The following C9orf85 variants were observed in gnomAD, a reference collection of about 807,000 sequenced individuals.
C9orf85 encodes chromosome 9 open reading frame 85, also known as uncharacterized protein C9orf85.
Under a neutral mutation model 14.9 loss-of-function variants are expected in C9orf85, and 16 were observed. That is an observed-to-expected ratio of 1.08 (90% CI 0.73 to 1.63). The LOEUF (loss-of-function observed/expected upper bound fraction) is 1.63. Among genes scored for constraint, C9orf85 ranks in the 40% most tolerant of loss-of-function variants. The probability of loss-of-function intolerance (pLI) is 0.00; values close to 1 mark genes in which losing one functional copy is unlikely to be tolerated. For synonymous variants in C9orf85, 45 were observed against 56.8 expected (o/e 0.79, Z 0.93); for missense variants, 172 against 186.1 (o/e 0.92, Z 0.44).
Position 71,948,396 on chromosome 9 carries a change from A to G in C9orf85, c.209+1284A>G, listed in dbSNP as rs560801750. ...TCAAAATATTTGAACACTGAAAGGC[A>G]AAAGTGTTAAGGAAGGATAAACTAA... On this transcript the variant is annotated intron_variant, in intron 2 of 3. Coordinates refer to ENST00000334731, the MANE Select transcript of C9orf85 (RefSeq NM_182505.5). 1.8e-4 allele frequency among the ~76,000 whole-genome samples: 27 copies of G among 152,370 alleles called. No individual in the cohort carries two copies. In the South Asian group the frequency reaches 4.1e-3, roughly 23 times the overall value.
chr9:71,919,405 A>G lies in C9orf85; in HGVS notation c.102+7569A>G, dbSNP rs537421541. ...AGCAAAGCAGTTGGCCAGACATAGA[A>G]TCTACCATAGATCTGAATTGACCAT... On this transcript the variant is annotated intron_variant, in intron 1 of 3. Coordinates refer to ENST00000334731, the MANE Select transcript of C9orf85 (RefSeq NM_182505.5). 1.8e-4 allele frequency among the ~76,000 whole-genome samples: 27 copies of G among 152,328 alleles called. No homozygotes were observed. The South Asian group carries it at 5.2e-3, about 29-fold the overall frequency.
chr9:71,961,439 T>G lies in C9orf85; in HGVS notation c.210-10066T>G, dbSNP rs148577496. Among the ~76,000 whole-genome samples the G allele has an allele frequency of 5.8e-3, 882 of 152,120 alleles. 8 individuals are homozygous for G. Among genetic ancestry groups the G allele is most frequent in the African/African-American group, 0.02 (830 of 41,536 alleles). ...AGCCGGGCATGGTGGCATGCACCTG[T>G]AGTCCCAGCTACCAGGGAGGCTAAG... On this transcript the variant is annotated intron_variant, in intron 2 of 3. Coordinates refer to ENST00000334731, the MANE Select transcript of C9orf85 (RefSeq NM_182505.5).
At chr9:71,938,857 A>G (rs188123143) in intron 1 of C9orf85, among the ~76,000 whole-genome samples, 1 of 151,904 alleles carries the variant, frequency 6.6e-6, no homozygotes, top group East Asian at 1.9e-4. Flanking sequence ...GTCAAAGAGT[A>G]GATAATAGGT....
chr9:71,976,239 G>A (rs112535162), downstream of C9orf85, among the ~76,000 whole-genome samples: 1 of 152,192 alleles, frequency 6.6e-6, no homozygotes, highest in African/African-American at 2.4e-5. Flanking sequence ...TTAATGTAGT[G>A]CATTAATTTG....
At chr9:71,915,146 G>T (rs1165776647) in intron 1 of C9orf85, among the ~76,000 whole-genome samples, 1 of 151,510 alleles carries the variant, frequency 6.6e-6, no homozygotes, top group African/African-American at 2.4e-5. Context: ...TTCCTCTGAG[G>T]ATTGCTACAG....
chr9:71,941,647 G>A (rs529646214), intron 1 of C9orf85, among the ~76,000 whole-genome samples: 1 of 152,292 alleles, frequency 6.6e-6, no homozygotes, highest in Admixed American at 6.5e-5. Flanking sequence ...ACATACATAG[G>A]TGAAAAGAGA....
At chr9:71,951,430 A>G (rs1822243388) in intron 2 of C9orf85, among the ~76,000 whole-genome samples, 1 of 152,214 alleles carries the variant, frequency 6.6e-6, no homozygotes, top group Non-Finnish European at 1.5e-5. Flanking sequence ...ATAGGAATAA[A>G]GTGATAAGCT....
chr9:71,920,811 C>G (rs1343628558), intron 1 of C9orf85, among the ~76,000 whole-genome samples: 3 of 152,062 alleles, frequency 2.0e-5, no homozygotes, highest in Non-Finnish European at 4.4e-5. Context: ...TCTTATCACT[C>G]CAGACCAAAT....
In C9orf85 at chr9:71,938,075, A is replaced by T. The variant is rs557594452; in HGVS notation, c.103-8931A>T. 3.3e-5 allele frequency among the ~76,000 whole-genome samples: 5 copies of T among 152,276 alleles called. No homozygotes were observed. The South Asian group carries it at 1.0e-3, about 32-fold the overall frequency. On this transcript the variant is annotated intron_variant, in intron 1 of 3. Coordinates refer to ENST00000334731, the MANE Select transcript of C9orf85 (RefSeq NM_182505.5). ...CATTTTGTGAAATAATAAAATACAT[A>T]AAAATAGTAAGGCTCAGTAACTTGT... is the stretch of plus-strand genomic sequence containing the variant.
At chr9:71,944,163 G>A (rs1013018318) in intron 1 of C9orf85, among the ~76,000 whole-genome samples, 1 of 151,760 alleles carries the variant, frequency 6.6e-6, no homozygotes, top group African/African-American at 2.4e-5. Flanking sequence ...GAACCCAGGA[G>A]GCAGAGGTTG....
intron 1 of C9orf85, among the ~76,000 whole-genome samples, chr9:71,920,231 T>TA (rs1338203308): frequency 2.0e-5 from 3 of 152,228 alleles, no homozygotes; most frequent in African/African-American, 7.2e-5. Context: ...TACTTCATTT[T>TA]ATGTCTAATA....
intron 2 of C9orf85, among the ~76,000 whole-genome samples, chr9:71,952,231 TCTC>T (rs1419609260): frequency 6.6e-6 from 1 of 152,222 alleles, no homozygotes; most frequent in Non-Finnish European, 1.5e-5. Context: ...AAAGTCCTTT[TCTC>T]CTCTTCACCT....
chr9:71,961,442 TC>T (rs917231249), intron 2 of C9orf85, among the ~76,000 whole-genome samples: 7 of 151,888 alleles, frequency 4.6e-5, no homozygotes, highest in Admixed American at 2.0e-4. Context: ...GCACCTGTAG[TC>T]CCAGCTACCA....
intron 2 of C9orf85, among the ~76,000 whole-genome samples, chr9:71,968,974 A>C (rs1318196815): frequency 3.9e-5 from 6 of 152,118 alleles, no homozygotes; most frequent in African/African-American, 1.4e-4. Flanking sequence ...GACTCAGGTC[A>C]GAGTAGGTGA....
At chr9:71,923,806 C>T (rs528804915) in intron 1 of C9orf85, among the ~76,000 whole-genome samples, 1 of 152,276 alleles carries the variant, frequency 6.6e-6, no homozygotes, top group South Asian at 2.1e-4. Context: ...AGCCGCTCCA[C>T]AACACCCTGG....
downstream of C9orf85, among the ~76,000 whole-genome samples, chr9:71,977,388 G>A (rs534538874): frequency 6.6e-6 from 1 of 152,226 alleles, no homozygotes; most frequent in South Asian, 2.1e-4. Flanking sequence ...AAAGATCAGT[G>A]TATCAAAAAA....
At chr9:71,976,661 CAAA>C (rs1162481407), downstream of C9orf85, among the ~76,000 whole-genome samples, 2 of 105,010 alleles carry the variant, frequency 1.9e-5, no homozygotes, top group Non-Finnish European at 2.0e-5. Flanking sequence ...GACTCCATCT[CAAA>C]AAAAAAAAAA....
intron 1 of C9orf85, among the ~76,000 whole-genome samples, chr9:71,914,967 C>T (rs939527054): frequency 1.3e-5 from 2 of 152,274 alleles, no homozygotes; most frequent in Non-Finnish European, 2.9e-5. Context: ...AGGCAGCCTT[C>T]TTTCCCTTAC....
At chr9:71,963,734 G>A (rs1788669056) in intron 2 of C9orf85, among the ~76,000 whole-genome samples, 1 of 152,190 alleles carries the variant, frequency 6.6e-6, no homozygotes, top group African/African-American at 2.4e-5. Context: ...CAGCCCACTG[G>A]CGCTGCGCTT....
Sources: allele counts gnomAD v4.1 joint callset (sites outside exome capture counted in the v4.1 genomes callset), GRCh38; gene constraint gnomAD v4.1.1; transcripts MANE v1.5; gene names NCBI Gene and HGNC (gene_info 2026-07-23, HGNC 2026-07-21).